EIF4G3: variants seen among roughly 807,000 people sequenced by gnomAD.
EIF4G3 encodes eukaryotic translation initiation factor 4 gamma 3, also known as eIF-4-gamma 3.
EIF4G3 carries 34 observed loss-of-function variants against 186.4 expected under a neutral mutation model. The observed-to-expected ratio is 0.18, with a 90% confidence interval of 0.14 to 0.24. EIF4G3 has a LOEUF of 0.24. Ranked by LOEUF, EIF4G3 falls within the 10% of genes least tolerant of loss-of-function variation. EIF4G3 has a pLI of 1.00. For missense variants in EIF4G3, 1,536 were observed against 1,948.5 expected (o/e 0.79, Z 3.99); for synonymous variants, 673 against 679.5 (o/e 0.99, Z 0.15).
At chr1:20,858,929 G>A (rs1309508976) in intron 24 of EIF4G3, among the ~76,000 whole-genome samples, 1 of 152,206 alleles carries the variant, frequency 6.6e-6, no homozygotes. Context: ...CCGGGAGGCG[G>A]AGGTTGCAGT....
At chr1:20,866,359 T>C (rs1171963716) in intron 20 of EIF4G3, among the ~76,000 whole-genome samples, 1 of 152,178 alleles carries the variant, frequency 6.6e-6, no homozygotes, top group African/African-American at 2.4e-5. Context: ...CTACGATGTA[T>C]GAAAGATCAT....
At chr1:20,939,034 G>C (rs981580440) in intron 14 of EIF4G3, among the ~76,000 whole-genome samples, 6 of 151,210 alleles carry the variant, frequency 4.0e-5, no homozygotes, top group African/African-American at 1.5e-4. Context: ...TTGAACCTGG[G>C]AGCCAGAGGT....
chr1:20,904,876 T>G lies in EIF4G3; in HGVS notation c.1752+7A>C. 1 of 1,611,148 alleles carries G rather than the reference T, an allele frequency of 6.2e-7. No homozygotes were observed. The highest frequency in any genetic ancestry group is 8.5e-7 in the Non-Finnish European group (1 of 1,177,570). On this transcript the variant is annotated splice_region_variant and intron_variant, in intron 15 of 36. Transcript: ENST00000602326. ...GCTCTGAATATGAACTTAAGAGATT[T>G]GCTTACCTCCAATTCTGCCTCTAAC... is the stretch of plus-strand genomic sequence containing the variant.
At chr1:21,150,111 TTCTCCCCAAGCTTCC>T (rs1287003921) in intron 2 of EIF4G3, among the ~76,000 whole-genome samples, 2 of 152,188 alleles carry the variant, frequency 1.3e-5, no homozygotes, top group Non-Finnish European at 2.9e-5. Flanking sequence ...AGCCAGGACA[TTCTCCCCAAGCTTCC>T]CCTCCTGCTT....
At chr1:21,108,554 T>C (rs1257996656) in intron 2 of EIF4G3, among the ~76,000 whole-genome samples, 1 of 152,156 alleles carries the variant, frequency 6.6e-6, no homozygotes, top group African/African-American at 2.4e-5. Context: ...AAGGCTTAAA[T>C]ATAAGGACTA....
chr1:20,960,976 A>G (rs904365968), intron 12 of EIF4G3, among the ~76,000 whole-genome samples: 2 of 152,254 alleles, frequency 1.3e-5, no homozygotes, highest in African/African-American at 4.8e-5. Context: ...ACTGGTGAAC[A>G]TCGAAAACTT....
At chr1:21,081,299 G>A (rs552562075) in intron 3 of EIF4G3, among the ~76,000 whole-genome samples, 92 of 152,282 alleles carry the variant, frequency 6.0e-4, no homozygotes, top group Non-Finnish European at 1.2e-3. Flanking sequence ...GGGCATGGAT[G>A]GTGCACACCT....
chr1:21,092,587 T>C (rs1021367637), intron 2 of EIF4G3, among the ~76,000 whole-genome samples: 1 of 152,062 alleles, frequency 6.6e-6, no homozygotes, highest in Non-Finnish European at 1.5e-5. Context: ...TTCACAGAAT[T>C]GGAAAAAACT....
chr1:21,075,570 CAAAAAAAAAAA>C (rs55649192), intron 3 of EIF4G3, among the ~76,000 whole-genome samples: 21 of 51,552 alleles, frequency 4.1e-4, no homozygotes, highest in African/African-American at 1.7e-3. Flanking sequence ...CTCCAACTCA[CAAAAAAAAAAA>C]AAAAAAAAAA....
chr1:20,860,547 C>G (rs1393381158), intron 23 of EIF4G3, 30 bp from the exon 24 acceptor site: 1 of 1,588,920 alleles, frequency 6.3e-7, no homozygotes, highest in Non-Finnish European at 8.5e-7. Flanking sequence ...GGTTATCTGC[C>G]AGATAAACTG....
At chr1:20,858,383 A>G (rs1394010778) in intron 24 of EIF4G3, among the ~76,000 whole-genome samples, 1 of 152,068 alleles carries the variant, frequency 6.6e-6, no homozygotes, top group African/African-American at 2.4e-5. Context: ...CTTTGTACTT[A>G]CTACTCCCTT....
At chr1:21,122,773 T>C (rs1345279021) in intron 2 of EIF4G3, among the ~76,000 whole-genome samples, 1 of 152,184 alleles carries the variant, frequency 6.6e-6, no homozygotes, top group Non-Finnish European at 1.5e-5. Flanking sequence ...GCATTTAACA[T>C]ATCGGCTGGG....
At chr1:20,929,499 T>C (rs1421490805) in intron 14 of EIF4G3, 1 of 152,218 alleles carries the variant, frequency 6.6e-6, no homozygotes, top group African/African-American at 2.4e-5. Context: ...CTTCCTTTCT[T>C]TGGAAGATAA....
At chr1:20,823,404 T>C (rs2062866540) in intron 33 of EIF4G3, among the ~76,000 whole-genome samples, 1 of 152,128 alleles carries the variant, frequency 6.6e-6, no homozygotes, top group South Asian at 2.1e-4. Flanking sequence ...TTATTTTTGA[T>C]AGGCTCTCAC....
At chr1:21,121,688 T>G (rs1024498632) in intron 2 of EIF4G3, among the ~76,000 whole-genome samples, 6 of 150,794 alleles carry the variant, frequency 4.0e-5, no homozygotes, top group African/African-American at 1.5e-4. Flanking sequence ...GGCAGGAGAA[T>G]CACTTGAACC....
chr1:21,167,394 C>T (rs114576785), intron 2 of EIF4G3, among the ~76,000 whole-genome samples: 6 of 152,130 alleles, frequency 3.9e-5, no homozygotes, highest in Non-Finnish European at 1.5e-5. Flanking sequence ...AAATGCCAGA[C>T]GCGATGGCTC....
chr1:20,920,153 G>A (rs564702235), intron 14 of EIF4G3, among the ~76,000 whole-genome samples: 8 of 152,212 alleles, frequency 5.3e-5, no homozygotes, highest in African/African-American at 1.4e-4. Flanking sequence ...TGATCTGCCC[G>A]CCTCGACCTC....
At chr1:21,123,674 T>A (rs894201501) in intron 2 of EIF4G3, among the ~76,000 whole-genome samples, 2 of 151,902 alleles carry the variant, frequency 1.3e-5, no homozygotes, top group Non-Finnish European at 1.5e-5. Context: ...GGGAAGTGAG[T>A]GGCAGGAAAA....
At chr1:21,024,552 A>G (rs1451603152) in intron 4 of EIF4G3, among the ~76,000 whole-genome samples, 26 of 150,328 alleles carry the variant, frequency 1.7e-4, no homozygotes, top group African/African-American at 6.3e-4. Context: ...ACTAAGAAAA[A>G]TTCTTCTCCC....
Sources: allele counts gnomAD v4.1 joint callset (sites outside exome capture counted in the v4.1 genomes callset), GRCh38; gene constraint gnomAD v4.1.1; transcripts MANE v1.5; gene names NCBI Gene and HGNC (gene_info 2026-07-23, HGNC 2026-07-21).